TAF1B: variants seen among roughly 807,000 people sequenced by gnomAD.
The protein encoded by TAF1B is TATA-box binding protein associated factor, RNA polymerase I subunit B.
Under a neutral mutation model 83.9 loss-of-function variants are expected in TAF1B, and 61 were observed. That is an observed-to-expected ratio of 0.73 (90% CI 0.59 to 0.90). The LOEUF is 0.90. Ranked by LOEUF, TAF1B falls within the 40% of genes least tolerant of loss-of-function variation. The pLI, the probability that TAF1B is intolerant of heterozygous loss-of-function variation, is 0.00. For missense variants in TAF1B, 625 were observed against 677.0 expected (o/e 0.92, Z 0.85); for synonymous variants, 221 against 224.6 (o/e 0.98, Z 0.14).
chr2:9,901,694 G>A (rs1367856115), intron 8 of TAF1B, among the ~76,000 whole-genome samples: 1 of 151,974 alleles, frequency 6.6e-6, no homozygotes, highest in Non-Finnish European at 1.5e-5. Flanking sequence ...AATTGTCTCA[G>A]CTTGAAAAGA....
At chr2:9,844,958 G>A (rs929593144) in intron 1 of TAF1B, among the ~76,000 whole-genome samples, 2 of 151,922 alleles carry the variant, frequency 1.3e-5, no homozygotes, top group Non-Finnish European at 1.5e-5. Context: ...CTCATCTTTG[G>A]TTCCAGTTTA....
At chr2:9,864,018 T>C (rs1052771473) in intron 5 of TAF1B, among the ~76,000 whole-genome samples, 2 of 151,924 alleles carry the variant, frequency 1.3e-5, no homozygotes, top group African/African-American at 4.8e-5. Context: ...ATTGACACCC[T>C]AACATCACAA....
chr2:9,894,702 G>T (rs1273660365), intron 8 of TAF1B, among the ~76,000 whole-genome samples: 1 of 152,088 alleles, frequency 6.6e-6, no homozygotes, highest in South Asian at 2.1e-4. Context: ...TATACCTGGG[G>T]CTTCCCTCAC....
chr2:9,873,670 A>G (rs1008368954), intron 6 of TAF1B, among the ~76,000 whole-genome samples: 3 of 148,392 alleles, frequency 2.0e-5, no homozygotes, highest in East Asian at 2.0e-4. Flanking sequence ...GTAAATGGCA[A>G]TGCATTCTAC....
intron 6 of TAF1B, 106 bp downstream of exon 6, chr2:9,868,535 G>A (rs546128553): frequency 5.1e-5 from 74 of 1,443,438 alleles, no homozygotes; most frequent in Non-Finnish European, 6.7e-5. Flanking sequence ...TTGGTCTAGC[G>A]AGGAAGAATC....
At chr2:9,907,117 G>A (rs560699336) in intron 9 of TAF1B, among the ~76,000 whole-genome samples, 10 of 151,620 alleles carry the variant, frequency 6.6e-5, no homozygotes, top group Admixed American at 3.9e-4. Flanking sequence ...TGAACCTCCA[G>A]GCTCAAGCCA....
intron 2 of TAF1B, among the ~76,000 whole-genome samples, chr2:9,848,928 A>G (rs774690508): frequency 1.8e-4 from 28 of 152,372 alleles, no homozygotes; most frequent in Admixed American, 3.9e-4. Flanking sequence ...AAATGAAAGC[A>G]GTTTTAGAGT....
intron 2 of TAF1B, among the ~76,000 whole-genome samples, chr2:9,847,526 T>A (rs1663245989): frequency 6.6e-6 from 1 of 152,160 alleles, no homozygotes; most frequent in South Asian, 2.1e-4. Context: ...TTTCTGCCCC[T>A]TTTATTGCCC....
chr2:9,922,125 G>A (rs986687686), intron 14 of TAF1B, among the ~76,000 whole-genome samples: 1 of 152,122 alleles, frequency 6.6e-6, no homozygotes, highest in Non-Finnish European at 1.5e-5. Context: ...TCATAGAATC[G>A]GGCTGTTTCT....
chr2:9,876,879 T>A (rs1212881722), intron 7 of TAF1B, among the ~76,000 whole-genome samples: 3 of 152,232 alleles, frequency 2.0e-5, no homozygotes, highest in Non-Finnish European at 4.4e-5. Flanking sequence ...GAGCAGTGTC[T>A]GGCACATAAT....
At chr2:9,911,368 C>T in intron 10 of TAF1B, 143 bp from the exon 11 acceptor site, 1 of 603,602 alleles carries the variant, frequency 1.7e-6, no homozygotes, top group Non-Finnish European at 2.8e-6. Context: ...GTGTCTCCTC[C>T]TCTGTTTCAG....
chr2:9,847,170 A>T (rs755872100), intron 2 of TAF1B, among the ~76,000 whole-genome samples: 4 of 152,224 alleles, frequency 2.6e-5, no homozygotes, highest in Non-Finnish European at 4.4e-5. Flanking sequence ...CCCTAGCTCC[A>T]CATTTGGAAG....
At chr2:9,850,182 A>C (rs1231710633) in intron 3 of TAF1B, among the ~76,000 whole-genome samples, 1 of 152,112 alleles carries the variant, frequency 6.6e-6, no homozygotes, top group Non-Finnish European at 1.5e-5. Context: ...TTAACTTTTA[A>C]ATTTTATTGG....
chr2:9,910,627 T>C, intron 9 of TAF1B, 109 bp from the exon 10 acceptor site: 1 of 902,488 alleles, frequency 1.1e-6, no homozygotes, highest in Non-Finnish European at 1.6e-6. Flanking sequence ...TGTGGGTCTC[T>C]GAGTTCTTGC....
At chr2:9,849,483 C>CT (rs1663315669) in intron 3 of TAF1B, 23 bp downstream of exon 3, 1 of 1,460,898 alleles carries the variant, frequency 6.8e-7, no homozygotes, top group South Asian at 1.3e-5. Flanking sequence ...TTCATATGTA[C>CT]TTAACATTCT....
chr2:9,854,455 A>G, intron 5 of TAF1B, 34 bp downstream of exon 5: 1 of 1,517,924 alleles, frequency 6.6e-7, no homozygotes, highest in Non-Finnish European at 9.1e-7. Context: ...GGATTAAAAA[A>G]CATGTCTGTT....
chr2:9,917,707 A>G (rs1183758666), intron 12 of TAF1B, among the ~76,000 whole-genome samples: 1 of 152,248 alleles, frequency 6.6e-6, no homozygotes, highest in Non-Finnish European at 1.5e-5. Context: ...CACTAGGGGC[A>G]TAAGGATGGC....
intron 6 of TAF1B, among the ~76,000 whole-genome samples, chr2:9,870,529 G>T (rs1236314545): frequency 6.6e-6 from 1 of 152,144 alleles, no homozygotes; most frequent in East Asian, 1.9e-4. Flanking sequence ...CTAATGTCCT[G>T]TTCCCAAGGG....
intron 14 of TAF1B, among the ~76,000 whole-genome samples, chr2:9,920,586 C>G (rs60811376): frequency 0.11 from 12,644 of 113,190 alleles, 698 homozygotes; most frequent in African/African-American, 0.13. Flanking sequence ...GGGCGGGGGG[C>G]GGGGGGTCCA....
Sources: allele counts gnomAD v4.1 joint callset (sites outside exome capture counted in the v4.1 genomes callset), GRCh38; gene constraint gnomAD v4.1.1; transcripts MANE v1.5; gene names NCBI Gene and HGNC (gene_info 2026-07-23, HGNC 2026-07-21).